The following LCE5A variants were observed in gnomAD, a reference collection of about 807,000 sequenced individuals.
LCE5A encodes the protein late cornified envelope 5A.
For missense variants in LCE5A, 139 were observed against 147.2 expected (o/e 0.94, Z 0.29); for synonymous variants, 51 against 54.2 (o/e 0.94, Z 0.26).
chr1:152,511,846 C>T lies in LCE5A; in HGVS notation c.312C>T (p.Ser104=). ...QQSGGSSCCH[S]SGGSGCCHSS... ...CTGGGGGCTCCAGCTGCTGCCACAG[C>T]TCTGGGGGCTCTGGCTGCTGCCACA... The change falls in exon 2 of 2, where the codon AGC becomes AGT. Residue 104 remains serine (S), a synonymous_variant. Transcript: ENST00000334269. The T allele has an allele frequency of 6.2e-7, 1 of 1,613,412 alleles. No individual in the cohort carries two copies. The highest frequency in any genetic ancestry group is 8.5e-7 in the Non-Finnish European group (1 of 1,179,674).
rs144519020 is a variant in LCE5A at position 152,511,721 on chromosome 1, G to A, written c.187G>A (p.Glu63Lys). Residue 63 changes from glutamate (E) to lysine (K), a missense_variant, in exon 2 of 2, where the codon GAG (glutamate) becomes AAG (lysine). Transcript: ENST00000334269. ...GSSSGGCCSS[E>K]GGGCCLSHHR... ...CAGCTCTGGGGGCTGCTGCAGCTCT[G>A]AGGGTGGTGGCTGCTGCCTGAGCCA... 1,699 of 1,614,022 alleles carry A rather than the reference G, an allele frequency of 1.1e-3. 12 individuals carry two copies. In the African/African-American group the frequency reaches 0.02, roughly 19 times the overall value.
chr1:152,511,983 C>G lies in LCE5A; in HGVS notation c.*92C>G. ...CTGAGGCTTCTTTTCTCTCATTTCC[C>G]ATGGAAGGACTTCGGAAATGCCTTA... On this transcript the variant is annotated 3_prime_UTR_variant, in exon 2 of 2. Transcript: ENST00000334269. 1 of 1,206,228 alleles carries G rather than the reference C, an allele frequency of 8.3e-7. No homozygotes were observed. Among genetic ancestry groups the G allele is most frequent in the East Asian group, 2.4e-5 (1 of 40,842 alleles). The allele number at this position is 1,206,228 out of a possible 1,614,324, so 74.7% of individuals were successfully genotyped here.
In LCE5A at chr1:152,512,007, T is replaced by A; in HGVS notation, c.*116T>A. Reference sequence around the variant, plus strand: ...CCATGGAAGGACTTCGGAAATGCCTTAAGTTCCCCTCTTTATCCTGCCCAT... The same window carrying A: ...CCATGGAAGGACTTCGGAAATGCCTAAAGTTCCCCTCTTTATCCTGCCCAT... On this transcript the variant is annotated 3_prime_UTR_variant, in exon 2 of 2. Coordinates refer to ENST00000334269, the MANE Select transcript of LCE5A (RefSeq NM_178438.5). 2 of 900,546 alleles carry A rather than the reference T, an allele frequency of 2.2e-6. No individual in the cohort carries two copies. Among genetic ancestry groups the A allele is most frequent in the Non-Finnish European group, 3.4e-6 (2 of 595,878 alleles). The allele number at this position is 900,546 out of a possible 1,614,324, so 55.8% of individuals were successfully genotyped here.
At position 152,511,543 on chromosome 1, in the gene LCE5A, C is replaced by A; in HGVS notation, c.9C>A (p.Cys3Ter). The A allele has an allele frequency of 6.2e-7, 1 of 1,614,060 alleles. No individual in the cohort carries two copies. The highest frequency in any genetic ancestry group is 8.5e-7 in the Non-Finnish European group (1 of 1,179,914). The change falls in exon 2 of 2, where the codon TGC becomes TGA. Residue 3 changes from cysteine (C) to a stop codon, truncating the protein, a stop_gained. Coordinates refer to ENST00000334269, the MANE Select transcript of LCE5A (RefSeq NM_178438.5). LOFTEE classifies it low-confidence loss of function (END_TRUNC). ...ATTCAGCTTCTACAGAGATGTCCTG[C>A]CAGCAGAGCCAGCAGCAGTGCCAGC... MS[C>*]QQSQQQCQPP...
rs1292068176 is a variant in LCE5A, at chr1:152,511,496, G to T, written c.-21-18G>T. The T allele has an allele frequency of 6.4e-7, 1 of 1,567,574 alleles. No individual in the cohort carries two copies. Among genetic ancestry groups the T allele is most frequent in the South Asian group, 1.1e-5 (1 of 89,860 alleles). ...TTTAAGGGCAAGGAAGTGACCTTGG[G>T]CTTGTATTGTCTTTCAGCTTTATTC... On this transcript the variant is annotated intron_variant, in intron 1 of 1. Coordinates refer to ENST00000334269, the MANE Select transcript of LCE5A (RefSeq NM_178438.5).
rs1658588881 is a variant in LCE5A at position 152,511,794 on chromosome 1, GCTGT to G, written c.261_264del (p.Cys87TrpfsTer49). ...CGACGCCGACCTCAGAGTTCCAGCT[GCTGT>G]GGCAGTGGCAGTGGCCAGCAGTCTG... On this transcript the variant is annotated frameshift_variant, in exon 2 of 2. Transcript: ENST00000334269. LOFTEE classifies it low-confidence loss of function (END_TRUNC). The G allele has an allele frequency of 1.2e-6, 2 of 1,613,786 alleles. No individual in the cohort carries two copies.
Position 152,511,906 on chromosome 1 carries a change from A to G in LCE5A, c.*15A>G. 1 of 1,592,528 alleles carries G rather than the reference A, an allele frequency of 6.3e-7. No homozygotes were observed. The highest frequency in any genetic ancestry group is 8.6e-7 in the Non-Finnish European group (1 of 1,168,406). On this transcript the variant is annotated 3_prime_UTR_variant, in exon 2 of 2. Coordinates refer to ENST00000334269, the MANE Select transcript of LCE5A (RefSeq NM_178438.5). ...GCTGCTGCTGACCTGGGCCATGAGG[A>G]GCACGGAGGAGAAGGACTGGCAGAT...
Position 152,511,983 on chromosome 1 carries a change from C to T in LCE5A, c.*92C>T. On this transcript the variant is annotated 3_prime_UTR_variant, in exon 2 of 2. Transcript: ENST00000334269. Reference sequence around the variant, plus strand: ...CTGAGGCTTCTTTTCTCTCATTTCCCATGGAAGGACTTCGGAAATGCCTTA... The same window carrying T: ...CTGAGGCTTCTTTTCTCTCATTTCCTATGGAAGGACTTCGGAAATGCCTTA... The T allele has an allele frequency of 8.3e-7, 1 of 1,206,228 alleles. No individual in the cohort carries two copies. Among genetic ancestry groups the T allele is most frequent in the Non-Finnish European group, 1.2e-6 (1 of 865,346 alleles). The allele number at this position is 1,206,228 out of a possible 1,614,324, so 74.7% of individuals were successfully genotyped here. A position where few individuals can be genotyped will look rare whatever the true frequency, so the allele number is the denominator to read the frequency against.
In LCE5A at chr1:152,512,173, C is replaced by T. The variant is rs992482646; in HGVS notation, c.*282C>T. On this transcript the variant is annotated 3_prime_UTR_variant, in exon 2 of 2. Coordinates refer to ENST00000334269, the MANE Select transcript of LCE5A (RefSeq NM_178438.5). Reference sequence around the variant, plus strand: ...CTCTGTAACAATAAAGCTTTTTATTCCTGATATCACTGCCTCCTGATTTCA... The same window carrying T: ...CTCTGTAACAATAAAGCTTTTTATTTCTGATATCACTGCCTCCTGATTTCA... 2.3e-6 allele frequency: 1 copy of T among 434,626 alleles called. No individual in the cohort carries two copies. Among genetic ancestry groups the T allele is most frequent in the East Asian group, 3.8e-5 (1 of 26,254 alleles). 26.9% of individuals were successfully genotyped at this position (434,626 alleles called of 1,614,324 possible).
intron 1 of LCE5A, 133 bp from the exon 2 acceptor site, chr1:152,511,379 CAG>C (rs1658563400): frequency 1.5e-6 from 1 of 661,630 alleles, no homozygotes; most frequent in Non-Finnish European, 2.6e-6. Context: ...GCCTGAGTGA[CAG>C]AGTGAGACTC....
In LCE5A at chr1:152,511,706, G is replaced by T. The variant is rs779292160; in HGVS notation, c.172G>T (p.Gly58Cys). 1.2e-6 allele frequency: 2 copies of T among 1,614,132 alleles called. No homozygotes were observed. The highest frequency in any genetic ancestry group is 1.7e-6 in the Non-Finnish European group (2 of 1,180,006). ...TTCCTGCTGTGGTTCCAGCTCTGGG[G>T]GCTGCTGCAGCTCTGAGGGTGGTGG... ...VSSCCGSSSG[G>C]CCSSEGGGCC... Residue 58 changes from glycine (G) to cysteine (C), a missense_variant, in exon 2 of 2, where the codon GGC (glycine) becomes TGC (cysteine). Physicochemically the swap from Gly to Cys is radical, Grantham distance 159. Transcript: ENST00000334269.
chr1:152,512,159 T>TAAAGC lies in LCE5A; in HGVS notation c.*269_*273dup, dbSNP rs1261621319. 2 of 470,652 alleles carry TAAAGC rather than the reference T, an allele frequency of 4.2e-6. No homozygotes were observed. The highest frequency in any genetic ancestry group is 4.0e-5 in the African/African-American group (2 of 50,612). 29.2% of individuals were successfully genotyped at this position (470,652 alleles called of 1,614,324 possible). A position where few individuals can be genotyped will look rare whatever the true frequency, so the allele number is the denominator to read the frequency against. ...TATGAAGCTATTTTCTCTGTAACAATAAAGCTTTTTATTCCTGATATCACT... is the reference window on the plus strand; with the variant it reads ...TATGAAGCTATTTTCTCTGTAACAATAAAGCAAAGCTTTTTATTCCTGATATCACT... On this transcript the variant is annotated 3_prime_UTR_variant, in exon 2 of 2. Transcript: ENST00000334269.
At position 152,511,505 on chromosome 1, in the gene LCE5A, G is replaced by T. The variant is rs1242292636; in HGVS notation, c.-21-9G>T. On this transcript the variant is annotated splice_polypyrimidine_tract_variant and intron_variant, in intron 1 of 1. Transcript: ENST00000334269. Reference sequence around the variant, plus strand: ...AAGGAAGTGACCTTGGGCTTGTATTGTCTTTCAGCTTTATTCAGCTTCTAC... The same window carrying T: ...AAGGAAGTGACCTTGGGCTTGTATTTTCTTTCAGCTTTATTCAGCTTCTAC... 9 of 1,596,652 alleles carry T rather than the reference G, an allele frequency of 5.6e-6. No homozygotes were observed. The highest frequency in any genetic ancestry group is 7.7e-6 in the Non-Finnish European group (9 of 1,164,398).
In LCE5A at chr1:152,511,832, A is replaced by G. The variant is rs533718533; in HGVS notation, c.298A>G (p.Ser100Gly). ...CAGTGGCCAGCAGTCTGGGGGCTCC[A>G]GCTGCTGCCACAGCTCTGGGGGCTC... Reference protein sequence around the residue: ...SGSGQQSGGSSCCHSSGGSGC... With the variant: ...SGSGQQSGGSGCCHSSGGSGC... Residue 100 changes from serine (S) to glycine (G), a missense_variant, in exon 2 of 2, where the codon AGC (serine) becomes GGC (glycine). Ser to Gly is a moderately conservative substitution (Grantham distance 56). Coordinates refer to ENST00000334269, the MANE Select transcript of LCE5A (RefSeq NM_178438.5). The G allele has an allele frequency of 5.2e-5, 84 of 1,613,704 alleles. No homozygotes were observed. Among genetic ancestry groups the G allele is most frequent in the Admixed American group, 2.8e-4 (17 of 60,002 alleles).
chr1:152,512,038 C>T lies in LCE5A; in HGVS notation c.*147C>T. On this transcript the variant is annotated 3_prime_UTR_variant, in exon 2 of 2. Transcript: ENST00000334269. ...CCCCTCTTTATCCTGCCCATGTTCA[C>T]TCCATTGTAGGGTTGAAGTCTAGCT... 2.8e-6 allele frequency: 2 copies of T among 716,314 alleles called. No homozygotes were observed. The allele number at this position is 716,314 out of a possible 1,614,324, so 44.4% of individuals were successfully genotyped here. A position where few individuals can be genotyped will look rare whatever the true frequency, so the allele number is the denominator to read the frequency against.
In LCE5A at chr1:152,511,551, G is replaced by C. The variant is rs780521346; in HGVS notation, c.17G>C (p.Ser6Thr). MSCQQ[S>T]QQQCQPPPKC... ...TCTACAGAGATGTCCTGCCAGCAGAGCCAGCAGCAGTGCCAGCCTCCTCCC... is the reference window on the plus strand; with the variant it reads ...TCTACAGAGATGTCCTGCCAGCAGACCCAGCAGCAGTGCCAGCCTCCTCCC... The change falls in exon 2 of 2, where the codon AGC (serine) becomes ACC (threonine). Residue 6 changes from serine (S) to threonine (T), a missense_variant. Physicochemically the swap from Ser to Thr is moderately conservative, Grantham distance 58 (BLOSUM62 1). Transcript: ENST00000334269. The C allele has an allele frequency of 3.7e-6, 6 of 1,614,040 alleles. No homozygotes were observed. The East Asian group carries it at 1.3e-4, about 36-fold the overall frequency.
Position 152,512,143 on chromosome 1 carries a change from AT to A in LCE5A, c.*256del. Reference sequence around the variant, plus strand: ...GGTGTTGTAATTCAGTTATGAAGCTATTTTCTCTGTAACAATAAAGCTTTTT... The same window carrying A: ...GGTGTTGTAATTCAGTTATGAAGCTATTTCTCTGTAACAATAAAGCTTTTT... On this transcript the variant is annotated 3_prime_UTR_variant, in exon 2 of 2. Transcript: ENST00000334269. 2.0e-6 allele frequency: 1 copy of A among 506,506 alleles called. No homozygotes were observed. Among genetic ancestry groups the A allele is most frequent in the South Asian group, 4.2e-5 (1 of 23,658 alleles). The allele number at this position is 506,506 out of a possible 1,614,324, so 31.4% of individuals were successfully genotyped here. A position where few individuals can be genotyped will look rare whatever the true frequency, so the allele number is the denominator to read the frequency against.
rs555555880 is a variant in LCE5A, at chr1:152,511,603, G to A, written c.69G>A (p.Lys23=). Residue 23 remains lysine (K), a synonymous_variant, in exon 2 of 2, where the codon AAG becomes AAA. Coordinates refer to ENST00000334269, the MANE Select transcript of LCE5A (RefSeq NM_178438.5). The stretch of plus-strand genomic sequence containing the variant: ...AATGTACCCCTAAATGCCCTCCCAA[G>A]TGTACTCCTAAGTGTCCTCCCAAGT... The part of the protein sequence containing the change: ...PPKCTPKCPP[K]CTPKCPPKCP... 71 of 1,613,946 alleles carry A rather than the reference G, an allele frequency of 4.4e-5. No homozygotes were observed. The highest frequency in any genetic ancestry group is 5.3e-5 in the Non-Finnish European group (63 of 1,180,026).
In LCE5A at chr1:152,511,591, A is replaced by G. The variant is rs1419912299; in HGVS notation, c.57A>G (p.Lys19=). The G allele has an allele frequency of 6.2e-7, 1 of 1,614,020 alleles. No homozygotes were observed. Among genetic ancestry groups the G allele is most frequent in the South Asian group, 1.1e-5 (1 of 91,074 alleles). Residue 19 remains lysine, a synonymous_variant, in exon 2 of 2, where the codon AAA becomes AAG. Transcript: ENST00000334269. ...AGCCTCCTCCCAAATGTACCCCTAA[A>G]TGCCCTCCCAAGTGTACTCCTAAGT... ...QCQPPPKCTP[K]CPPKCTPKCP... is the part of the protein sequence containing the mutation.
Sources: allele counts gnomAD v4.1 joint callset, GRCh38; gene constraint gnomAD v4.1.1; transcripts MANE v1.5; gene names NCBI Gene and HGNC (gene_info 2026-07-23, HGNC 2026-07-21).